Variants in GSE1 observed in about 807,000 individuals in gnomAD.
The protein encoded by GSE1 is Gse1 coiled-coil protein, also known as genetic suppressor element 1.
GSE1 carries 32 observed loss-of-function variants against 112.6 expected under a neutral mutation model. That is an observed-to-expected ratio of 0.28 (90% confidence interval 0.21 to 0.38). GSE1 has a LOEUF of 0.38. Among genes scored for constraint, GSE1 ranks in the 10% least tolerant of loss-of-function variants. GSE1 has a pLI of 1.00. For synonymous variants in GSE1, 1,115 were observed against 735.6 expected (o/e 1.52, Z -8.35); for missense variants, 2,348 against 1,699.2 (o/e 1.38, Z -6.71).
chr16:85,425,298 T>C (rs1055876099), intron 2 of GSE1, among the ~76,000 whole-genome samples: 4 of 41,928 alleles, frequency 9.5e-5, no homozygotes, highest in Non-Finnish European at 3.9e-4. Context: ...CAGGAGGGGA[T>C]GCACGGGTGA....
intron 1 of GSE1, among the ~76,000 whole-genome samples, chr16:85,331,627 A>T (rs1396368469): frequency 1.5e-4 from 17 of 111,308 alleles, no homozygotes; most frequent in South Asian, 2.9e-4. Flanking sequence ...GTGTGTATAT[A>T]TGTGTATATA....
At chr16:85,457,050 T>C (rs1284660129) in intron 2 of GSE1, among the ~76,000 whole-genome samples, 2 of 152,170 alleles carry the variant, frequency 1.3e-5, no homozygotes, top group African/African-American at 4.8e-5. Context: ...ACCTCAGCAG[T>C]AGGCATCCTG....
rs1056663413 is a variant in GSE1, at chr16:85,463,154, C to T, written c.2464+105511C>T. 38 of 977,302 alleles carry T rather than the reference C, an allele frequency of 3.9e-5. No homozygotes were observed. The African/African-American group carries it at 6.3e-4, about 16-fold the overall frequency. 60.5% of individuals were successfully genotyped at this position (977,302 alleles called of 1,614,324 possible). On this transcript the variant is annotated intron_variant, in intron 2 of 2. Coordinates refer to the GSE1 transcript ENST00000637419. ...AGTGCCCAGCTCACCGCCCCGTGGA[C>T]GGGAGGGTGGGGGGTCCGGGATGGA...
chr16:85,666,039 C>G lies in GSE1; in HGVS notation c.2822C>G (p.Ser941Cys), dbSNP rs201518694. 14 of 1,613,576 alleles carry G rather than the reference C, an allele frequency of 8.7e-6. No homozygotes were observed. The South Asian group carries it at 1.2e-4, about 14-fold the overall frequency. ...CCGGTTGGTGTTGCTGCTTCCTTGT[C>G]TGACATCCCAAAGGCCGCGGAGCCT... The part of the protein sequence containing the change: ...EKPVGVAASL[S>C]DIPKAAEPGK... Residue 941 changes from serine (S) to cysteine (C), a missense_variant, in exon 13 of 16, where the codon TCT becomes TGT. By Grantham distance (112) the Ser-to-Cys change is moderately radical (BLOSUM62 -1). Coordinates refer to ENST00000253458, the MANE Select transcript of GSE1 (RefSeq NM_014615.5).
At chr16:85,257,328 C>T (rs994332297) in intron 1 of GSE1, among the ~76,000 whole-genome samples, 2 of 152,080 alleles carry the variant, frequency 1.3e-5, no homozygotes, top group African/African-American at 4.8e-5. Context: ...CCAGGCTGGT[C>T]TCGAACTCTT....
chr16:85,269,136 C>A (rs1354844865), intron 1 of GSE1, among the ~76,000 whole-genome samples: 1 of 149,352 alleles, frequency 6.7e-6, no homozygotes, highest in African/African-American at 2.4e-5. Context: ...CACTCAAGAA[C>A]CATACTGTTT....
intron 1 of GSE1, among the ~76,000 whole-genome samples, chr16:85,567,724 T>C (rs2045819634): frequency 6.6e-6 from 1 of 152,186 alleles, no homozygotes; most frequent in African/African-American, 2.4e-5. Flanking sequence ...TTAGGCTTCA[T>C]CTCTTTTTGT....
In GSE1 at chr16:85,519,526, C is replaced by CA. The variant is rs1567555673; in HGVS notation, c.2465-114388_2465-114387insA. On this transcript the variant is annotated intron_variant, in intron 2 of 2. Coordinates refer to the GSE1 transcript ENST00000637419. ...CATCACCGGTCTCCATCATCATCAC[C>CA]TTCACCACCATCATCACTATTACCA... is the stretch of plus-strand genomic sequence containing the variant. Among the ~76,000 whole-genome samples the CA allele has an allele frequency of 2.7e-3, 38 of 14,134 alleles. 13 individuals carry two copies. The highest frequency in any genetic ancestry group is 6.4e-3 in the African/African-American group (33 of 5,154). The allele number at this position is 14,134 out of a possible 152,430, so 9.3% of individuals were successfully genotyped here.
At chr16:85,346,456 G>C (rs1363556916) in intron 1 of GSE1, among the ~76,000 whole-genome samples, 1 of 151,250 alleles carries the variant, frequency 6.6e-6, no homozygotes, top group Non-Finnish European at 1.5e-5. Flanking sequence ...TGGATGGATG[G>C]GCTGATGGGT....
chr16:85,172,215 C>T (rs997957346), intron 1 of GSE1, among the ~76,000 whole-genome samples: 3 of 152,162 alleles, frequency 2.0e-5, no homozygotes, highest in Admixed American at 6.5e-5. Context: ...CGTGCTCACC[C>T]GGTTTGAAAC....
At chr16:85,420,112 GGT>G (rs1491508669) in intron 2 of GSE1, among the ~76,000 whole-genome samples, 3 of 151,498 alleles carry the variant, frequency 2.0e-5, no homozygotes, top group South Asian at 2.1e-4. Flanking sequence ...AGGCCAGACG[GGT>G]GGTGGCTCAT....
At chr16:85,654,163 T>C (rs541456015) in intron 3 of GSE1, 115 bp from the exon 4 acceptor site, 1 of 948,948 alleles carries the variant, frequency 1.1e-6, no homozygotes, top group South Asian at 1.7e-5. Flanking sequence ...GAAAGGATGT[T>C]TCTAGAACAT....
At chr16:85,252,050 A>G (rs957744587) in intron 1 of GSE1, among the ~76,000 whole-genome samples, 2 of 152,206 alleles carry the variant, frequency 1.3e-5, no homozygotes, top group African/African-American at 4.8e-5. Context: ...TAGATGGCAG[A>G]GAGAGCAGTT....
At chr16:85,325,909 C>T (rs2046217720) in intron 1 of GSE1, among the ~76,000 whole-genome samples, 2 of 151,916 alleles carry the variant, frequency 1.3e-5, no homozygotes, top group South Asian at 2.1e-4. Context: ...CCATCGTGCC[C>T]AGCTAATTTT....
chr16:85,179,115 C>T (rs562301810), intron 1 of GSE1, among the ~76,000 whole-genome samples: 21 of 152,256 alleles, frequency 1.4e-4, no homozygotes, highest in African/African-American at 4.3e-4. Flanking sequence ...AGAACATTCC[C>T]ATCACCCCCA....
chr16:85,577,736 T>C (rs1301688731), intron 1 of GSE1, among the ~76,000 whole-genome samples: 2 of 152,184 alleles, frequency 1.3e-5, no homozygotes, highest in Non-Finnish European at 2.9e-5. Flanking sequence ...CTGATGTTTC[T>C]TTCTACCCTT....
intron 2 of GSE1, among the ~76,000 whole-genome samples, chr16:85,387,080 TG>T (rs2047703971): frequency 6.6e-6 from 1 of 152,184 alleles, no homozygotes; most frequent in Admixed American, 6.5e-5. Context: ...GGAGTGATAG[TG>T]GGGTGCCCCT....
chr16:85,587,499 G>A (rs920290415), intron 1 of GSE1, among the ~76,000 whole-genome samples: 1 of 152,152 alleles, frequency 6.6e-6, no homozygotes, highest in Non-Finnish European at 1.5e-5. Flanking sequence ...GAGGGACACC[G>A]TGCACCTGCT....
At chr16:85,482,839 A>G (rs899864263) in intron 2 of GSE1, among the ~76,000 whole-genome samples, 1 of 152,150 alleles carries the variant, frequency 6.6e-6, no homozygotes, top group African/African-American at 2.4e-5. Flanking sequence ...TTAGCCAGGC[A>G]TGGTGGAGGG....
Sources: allele counts gnomAD v4.1 joint callset (sites outside exome capture counted in the v4.1 genomes callset), GRCh38; gene constraint gnomAD v4.1.1; transcripts MANE v1.5; gene names NCBI Gene and HGNC (gene_info 2026-07-23, HGNC 2026-07-21).